The following DCBLD1 variants were observed in gnomAD, a reference collection of about 807,000 sequenced individuals.
DCBLD1 encodes the protein discoidin, CUB and LCCL domain-containing protein 1.
In DCBLD1, 57 loss-of-function variants were observed where a neutral mutation model predicts 71.5. The ratio of observed to expected loss-of-function variants is 0.80; its 90% CI spans 0.64 to 0.99. The LOEUF is 0.99. DCBLD1 is among the 50% of genes least tolerant of loss of function. DCBLD1 has a pLI of 0.00. For synonymous variants in DCBLD1, 380 were observed against 363.8 expected, an observed-to-expected ratio of 1.04 and a Z score of -0.51; for missense variants, 891 against 923.5, an observed-to-expected ratio of 0.96 and a Z score of 0.46.
In DCBLD1 at chr6:117,545,515, T is replaced by G. The variant is rs1374962235; in HGVS notation, c.1533T>G (p.His511Gln). 6.2e-7 allele frequency: 1 copy of G among 1,614,008 alleles called. No individual in the cohort carries two copies. Among genetic ancestry groups the G allele is most frequent in the African/African-American group, 1.3e-5 (1 of 74,918 alleles). ...AGATTAAATATCCCTTTGCCAGACA[T>G]CAGTCAGCTGAGTTTACCATCAGCT... ...WKQIKYPFAR[H>Q]QSAEFTISYD... The change falls in exon 14 of 15, where the codon CAT becomes CAG. Residue 511 changes from histidine to glutamine, a missense_variant. Coordinates refer to ENST00000338728, the MANE Select transcript of DCBLD1 (RefSeq NM_001366458.2).
intron 2 of DCBLD1, among the ~76,000 whole-genome samples, chr6:117,514,185 A>G (rs1778114819): frequency 6.6e-6 from 1 of 152,204 alleles, no homozygotes; most frequent in Non-Finnish European, 1.5e-5. Context: ...AGACCTTGAG[A>G]CAGGCAATAA....
intron 2 of DCBLD1, among the ~76,000 whole-genome samples, chr6:117,509,685 G>T (rs1354319889): frequency 6.6e-6 from 1 of 151,778 alleles, no homozygotes; most frequent in East Asian, 1.9e-4. Context: ...TCTAAGATGT[G>T]CCCTTGTTCC....
Position 117,559,440 on chromosome 6 carries a change from A to AGTC in DCBLD1, c.1616-10179_1616-10177dup, listed in dbSNP as rs552356820. Among the ~76,000 whole-genome samples, 462 of 152,310 alleles carry AGTC rather than the reference A, an allele frequency of 3.0e-3. 1 individual carries two copies. The highest frequency in any genetic ancestry group is 5.4e-3 in the South Asian group (26 of 4,832). On this transcript the variant is annotated intron_variant, in intron 14 of 14. Coordinates refer to the DCBLD1 transcript ENST00000296955. Reference sequence around the variant, plus strand: ...TGGAGTGCTCCAGCTAAAGTTGAGGAGTCATCATATAATATCCCTGTCATA... The same window carrying AGTC: ...TGGAGTGCTCCAGCTAAAGTTGAGGAGTCGTCATCATATAATATCCCTGTCATA...
intron 1 of DCBLD1, among the ~76,000 whole-genome samples, chr6:117,496,017 G>T (rs1252428232): frequency 6.6e-6 from 1 of 152,176 alleles, no homozygotes; most frequent in African/African-American, 2.4e-5. Flanking sequence ...TTAGCTGATA[G>T]GAATGTTGAA....
intron 5 of DCBLD1, among the ~76,000 whole-genome samples, chr6:117,529,092 G>A (rs1778633002): frequency 6.6e-6 from 1 of 152,136 alleles, no homozygotes; most frequent in South Asian, 2.1e-4. Context: ...ACCTGCCTTG[G>A]CCTCCCAAAG....
intron 2 of DCBLD1, among the ~76,000 whole-genome samples, chr6:117,514,029 G>A (rs748104198): frequency 2.9e-4 from 44 of 152,132 alleles, no homozygotes; most frequent in Non-Finnish European, 5.6e-4. Context: ...CATTGCTTAG[G>A]ACAGACTCCC....
intron 14 of DCBLD1, chr6:117,561,799 G>A (rs1779589225): frequency 4.8e-6 from 1 of 206,980 alleles, no homozygotes; most frequent in South Asian, 1.9e-4. Flanking sequence ...AACCATAAAT[G>A]AGCAACAGTT....
intron 7 of DCBLD1, among the ~76,000 whole-genome samples, chr6:117,537,626 T>A (rs539677099): frequency 6.7e-6 from 1 of 148,728 alleles, no homozygotes; most frequent in Admixed American, 6.7e-5. Flanking sequence ...AAGGTTGTTT[T>A]TTTTTTTTTT....
intron 1 of DCBLD1, among the ~76,000 whole-genome samples, chr6:117,489,893 A>AG (rs1201797401): frequency 1.3e-5 from 2 of 152,226 alleles, no homozygotes; most frequent in East Asian, 3.9e-4. Context: ...TCAAAAAAAA[A>AG]GAATAAATTT....
At chr6:117,547,608 C>T (rs1231785237) in intron 14 of DCBLD1, 2 of 663,674 alleles carry the variant, frequency 3.0e-6, no homozygotes, top group East Asian at 6.4e-5. Context: ...ATAGCTTCTC[C>T]AGAGCCAGTT....
intron 1 of DCBLD1, among the ~76,000 whole-genome samples, chr6:117,491,163 A>G (rs1777279728): frequency 6.6e-6 from 1 of 152,170 alleles, no homozygotes. Context: ...TTTACCTCAT[A>G]TTAAAATGTG....
chr6:117,568,111 A>T (rs1475518932), intron 14 of DCBLD1, among the ~76,000 whole-genome samples: 1 of 151,118 alleles, frequency 6.6e-6, no homozygotes, highest in Non-Finnish European at 1.5e-5. Context: ...AGGTCGGAGG[A>T]TCTGTTTGAG....
chr6:117,553,665 G>A (rs1023144684), downstream of DCBLD1, among the ~76,000 whole-genome samples: 2 of 152,124 alleles, frequency 1.3e-5, no homozygotes, highest in Non-Finnish European at 2.9e-5. Flanking sequence ...TACACAAAAC[G>A]TAGTATCCCT....
At chr6:117,546,811 T>A (rs1779280346) in intron 14 of DCBLD1, among the ~76,000 whole-genome samples, 1 of 152,012 alleles carries the variant, frequency 6.6e-6, no homozygotes. Flanking sequence ...CAGTCCCCAG[T>A]CCATAATTCT....
intron 14 of DCBLD1, among the ~76,000 whole-genome samples, chr6:117,555,652 C>G (rs532289340): frequency 6.6e-6 from 1 of 152,248 alleles, no homozygotes; most frequent in South Asian, 2.1e-4. Context: ...CTATGTAACT[C>G]TAGGAGTTCT....
chr6:117,499,554 A>G (rs1348188719), intron 1 of DCBLD1, among the ~76,000 whole-genome samples: 1 of 152,188 alleles, frequency 6.6e-6, no homozygotes, highest in African/African-American at 2.4e-5. Context: ...CAATTATTTA[A>G]TTAACCTTTT....
intron 6 of DCBLD1, among the ~76,000 whole-genome samples, chr6:117,536,749 C>T: frequency 6.6e-6 from 1 of 152,280 alleles, no homozygotes; most frequent in African/African-American, 2.4e-5. Context: ...GAGTGGGACA[C>T]TTTAAGGTGA....
At chr6:117,518,607 G>T (rs566279309) in intron 2 of DCBLD1, among the ~76,000 whole-genome samples, 1 of 152,172 alleles carries the variant, frequency 6.6e-6, no homozygotes, top group Non-Finnish European at 1.5e-5. Context: ...GTCCCACATG[G>T]CTAGGAAAGC....
intron 1 of DCBLD1, among the ~76,000 whole-genome samples, chr6:117,494,168 C>T (rs1183624700): frequency 1.3e-5 from 2 of 152,024 alleles, no homozygotes; most frequent in African/African-American, 4.8e-5. Context: ...TTCCCAATAA[C>T]TTTTTGGCTC....
Sources: gnomAD v4.1 joint callset for allele counts (sites outside exome capture counted in the v4.1 genomes callset) on GRCh38, gnomAD v4.1.1 for gene constraint, MANE v1.5 for transcripts, NCBI Gene and HGNC (gene_info 2026-07-23, HGNC 2026-07-21) for gene names.